RFX3: variants seen among roughly 807,000 people sequenced by gnomAD.
The protein encoded by RFX3 is regulatory factor X3.
RFX3 carries 14 observed loss-of-function variants against 98.6 expected under a neutral mutation model. That is an observed-to-expected ratio of 0.14 (90% CI 0.09 to 0.22). RFX3 has a LOEUF of 0.22. RFX3 is among the 10% of genes least tolerant of loss of function. RFX3 has a pLI of 1.00. For synonymous variants in RFX3, 383 were observed against 328.4 expected, an observed-to-expected ratio of 1.17 and a Z score of -1.80; for missense variants, 639 against 926.9, an observed-to-expected ratio of 0.69 and a Z score of 4.03.
At chr9:3,436,133 T>C (rs1396489086) in intron 1 of RFX3, among the ~76,000 whole-genome samples, 1 of 152,018 alleles carries the variant, frequency 6.6e-6, no homozygotes, top group Non-Finnish European at 1.5e-5. Flanking sequence ...GAAGCAAGCA[T>C]AAAAGATGGG....
chr9:3,389,461 A>G (rs1169338940), intron 2 of RFX3, among the ~76,000 whole-genome samples: 1 of 152,114 alleles, frequency 6.6e-6, no homozygotes, highest in Non-Finnish European at 1.5e-5. Flanking sequence ...ATTTTTATCA[A>G]TTTTATTGAA....
intron 1 of RFX3, among the ~76,000 whole-genome samples, chr9:3,416,535 G>A (rs977602523): frequency 6.6e-6 from 1 of 152,158 alleles, no homozygotes; most frequent in Non-Finnish European, 1.5e-5. Context: ...TCTGAAGTGA[G>A]AAATTCTCAA....
At chr9:3,344,175 G>A (rs1427827829) in intron 3 of RFX3, among the ~76,000 whole-genome samples, 4 of 152,102 alleles carry the variant, frequency 2.6e-5, no homozygotes, top group African/African-American at 9.7e-5. Flanking sequence ...AATAATGAGT[G>A]CATAATTTTA....
chr9:3,230,419 C>A (rs1421071037), intron 15 of RFX3, among the ~76,000 whole-genome samples: 2 of 152,092 alleles, frequency 1.3e-5, no homozygotes, highest in East Asian at 3.9e-4. Flanking sequence ...CCTAATACAT[C>A]CCACGGGGCA....
chr9:3,365,094 G>A lies in RFX3; in HGVS notation c.118-18330C>T, dbSNP rs1404072522. On this transcript the variant is annotated intron_variant, in intron 2 of 16. Transcript: ENST00000617270. ...GGACAGGTGGATCACAAGGTCAGGA[G>A]ATCGAGACCATCCTGGCCAACATGG... Among the ~76,000 whole-genome samples, 5 of 152,230 alleles carry A rather than the reference G, an allele frequency of 3.3e-5. No homozygotes were observed. In the East Asian group the frequency reaches 9.7e-4, roughly 29 times the overall value.
intron 8 of RFX3, among the ~76,000 whole-genome samples, chr9:3,276,054 G>C (rs1487857463): frequency 6.6e-6 from 1 of 152,018 alleles, no homozygotes; most frequent in Admixed American, 6.6e-5. Flanking sequence ...CAGATACAAA[G>C]AAAACTACAA....
intron 1 of RFX3, among the ~76,000 whole-genome samples, chr9:3,426,163 G>A (rs1844003470): frequency 6.6e-6 from 1 of 151,884 alleles, no homozygotes; most frequent in African/African-American, 2.4e-5. Flanking sequence ...ACAGTTTATT[G>A]GCTCATTTAA....
At chr9:3,314,380 C>A (rs977603972) in intron 4 of RFX3, among the ~76,000 whole-genome samples, 39 of 152,272 alleles carry the variant, frequency 2.6e-4, no homozygotes, top group African/African-American at 9.1e-4. Flanking sequence ...AAGCACTGAA[C>A]ATGGAAACAA....
At chr9:3,247,203 G>C in intron 15 of RFX3, 1 of 985,926 alleles carries the variant, frequency 1.0e-6, no homozygotes, top group Non-Finnish European at 1.2e-6. Context: ...ATAAGCCAGT[G>C]CTGAACCATC....
chr9:3,223,115 T>G lies in RFX3; in HGVS notation c.*1927A>C, dbSNP rs1308943916. On this transcript the variant is annotated 3_prime_UTR_variant, in exon 17 of 17. Coordinates refer to ENST00000617270, the MANE Select transcript of RFX3 (RefSeq NM_001282116.2). ...ACTGGAAAGATAAACATCTTGGGTT[T>G]AATATAGGCCTCATTTGATAATCTG... The G allele has an allele frequency of 6.6e-6, 1 of 152,128 alleles. No homozygotes were observed. Among genetic ancestry groups the G allele is most frequent in the Non-Finnish European group, 1.5e-5 (1 of 68,012 alleles). The allele number at this position is 152,128 out of a possible 1,614,324, so 9.4% of individuals were successfully genotyped here.
chr9:3,336,623 G>C (rs974482090), intron 3 of RFX3, among the ~76,000 whole-genome samples: 20 of 152,080 alleles, frequency 1.3e-4, no homozygotes, highest in Non-Finnish European at 2.4e-4. Flanking sequence ...CTGATATTTA[G>C]AAGGAAATTA....
intron 15 of RFX3, among the ~76,000 whole-genome samples, chr9:3,237,538 G>A (rs907064314): frequency 6.6e-6 from 1 of 152,116 alleles, no homozygotes; most frequent in Non-Finnish European, 1.5e-5. Context: ...CAGAGTAGAA[G>A]GCAATCAAAT....
Position 3,245,115 on chromosome 9 carries a change from G to C in RFX3, c.1968+2917C>G, listed in dbSNP as rs142567546. Among the ~76,000 whole-genome samples the C allele has an allele frequency of 2.1e-3, 326 of 152,288 alleles. 2 individuals carry two copies. Among genetic ancestry groups the C allele is most frequent in the African/African-American group, 7.5e-3 (313 of 41,556 alleles). ...CATCTTTGACTATACAAATCAAACA[G>C]AGAACTGTGCAATTAGTATTGTGGA... On this transcript the variant is annotated intron_variant, in intron 15 of 16. Transcript: ENST00000617270.
At chr9:3,281,115 T>A (rs1196725390) in intron 7 of RFX3, among the ~76,000 whole-genome samples, 2 of 151,706 alleles carry the variant, frequency 1.3e-5, no homozygotes, top group African/African-American at 2.4e-5. Context: ...TATAGGCACA[T>A]GGTTTTTAAA....
intron 4 of RFX3, among the ~76,000 whole-genome samples, chr9:3,326,744 A>G (rs1022606053): frequency 1.7e-4 from 26 of 152,324 alleles, no homozygotes; most frequent in Non-Finnish European, 2.9e-4. Flanking sequence ...ACTGGCAATT[A>G]TCACATCAAG....
chr9:3,524,695 C>A, intron 1 of RFX3: 1 of 846,034 alleles, frequency 1.2e-6, no homozygotes, highest in Non-Finnish European at 1.4e-6. Flanking sequence ...CACTCTACTG[C>A]GGGGAAGGAG....
At chr9:3,300,008 T>G (rs1026498857) in intron 5 of RFX3, among the ~76,000 whole-genome samples, 3 of 127,342 alleles carry the variant, frequency 2.4e-5, no homozygotes, top group African/African-American at 4.0e-5. Flanking sequence ...AAACTTCAGG[T>G]TTTTTTTTTT....
intron 15 of RFX3, chr9:3,247,647 AAG>A: frequency 7.2e-7 from 1 of 1,389,904 alleles, no homozygotes; most frequent in East Asian, 2.8e-5. Context: ...GAGACCGGGA[AAG>A]AGTCTACAAA....
At chr9:3,323,441 A>G (rs1831535708) in intron 4 of RFX3, among the ~76,000 whole-genome samples, 1 of 152,166 alleles carries the variant, frequency 6.6e-6, no homozygotes, top group South Asian at 2.1e-4. Flanking sequence ...TGAAGCATTA[A>G]GTTGGTGGAG....
Sources: gnomAD v4.1 joint callset for allele counts (sites outside exome capture counted in the v4.1 genomes callset) on GRCh38, gnomAD v4.1.1 for gene constraint, MANE v1.5 for transcripts, NCBI Gene and HGNC (gene_info 2026-07-23, HGNC 2026-07-21) for gene names.